FGF8: variants seen among roughly 807,000 people sequenced by gnomAD.
The protein encoded by FGF8 is androgen-induced growth factor.
Under a neutral mutation model 29.7 loss-of-function variants are expected in FGF8, and 12 were observed. The observed-to-expected ratio is 0.40, with a 90% CI of 0.26 to 0.65. The LOEUF (loss-of-function observed/expected upper bound fraction) is 0.65, where lower values mean the gene tolerates loss of function less well. Ranked by LOEUF, FGF8 falls within the 30% of genes least tolerant of loss-of-function variation. The probability of loss-of-function intolerance (pLI) is 0.37; values close to 1 mark genes in which losing one functional copy is unlikely to be tolerated. For missense variants in FGF8, 271 were observed against 345.1 expected, an observed-to-expected ratio of 0.79 and a Z score of 1.70; for synonymous variants, 157 against 144.4, an observed-to-expected ratio of 1.09 and a Z score of -0.63.
Position 101,775,806 on chromosome 10 carries a change from G to C in FGF8, c.33-30C>G, listed in dbSNP as rs934746020. The stretch of plus-strand genomic sequence containing the variant: ...GGGAGACAAAAGCGGGCGGGAGAGA[G>C]AGGCGCGGGTGAGGCGAGGGGCGCG... On this transcript the variant is annotated intron_variant, in intron 1 of 5. Transcript: ENST00000320185. The surrounding 1 kb of genome is among the most constrained non-coding windows in gnomAD (Gnocchi z 4.6). 1 of 1,539,048 alleles carries C rather than the reference G, an allele frequency of 6.5e-7. No homozygotes were observed. The highest frequency in any genetic ancestry group is 8.7e-7 in the Non-Finnish European group (1 of 1,143,808).
Position 101,774,796 on chromosome 10 carries a change from C to G in FGF8, c.273G>C (p.Gly91=), listed in dbSNP as rs1290132949. Reference sequence around the variant, plus strand: ...TGTTGGCCAGGACCTGCACGTGCTTCCCGCTGGTGCGGCTGTAGAGTTGGT... The same window carrying G: ...TGTTGGCCAGGACCTGCACGTGCTTGCCGCTGGTGCGGCTGTAGAGTTGGT... ...RTYQLYSRTS[G]KHVQVLANKR... The change falls in exon 4 of 6, where the codon GGG becomes GGC. Residue 91 remains glycine, a synonymous_variant. Coordinates refer to ENST00000320185, the MANE Select transcript of FGF8 (RefSeq NM_033163.5). 6.2e-7 allele frequency: 1 copy of G among 1,612,644 alleles called. No homozygotes were observed. The highest frequency in any genetic ancestry group is 1.7e-5 in the Admixed American group (1 of 60,030).
chr10:101,770,144 A>T lies in FGF8; in HGVS notation c.*185T>A. On this transcript the variant is annotated 3_prime_UTR_variant, in exon 6 of 6. Coordinates refer to ENST00000320185, the MANE Select transcript of FGF8 (RefSeq NM_033163.5). ...AAATAGAGCCTCTCTTTTGTTTTAA[A>T]AAAAAAAAAAAAAAAAAAAACAGCA... 4.7e-5 allele frequency: 15 copies of T among 321,050 alleles called. No individual in the cohort carries two copies. Among genetic ancestry groups the T allele is most frequent in the South Asian group, 1.2e-4 (2 of 17,132 alleles). The allele number at this position is 321,050 out of a possible 1,614,324, so 19.9% of individuals were successfully genotyped here.
At position 101,775,022 on chromosome 10, in the gene FGF8, G is replaced by A; in HGVS notation, c.156+108C>T. The A allele has an allele frequency of 6.7e-7, 1 of 1,498,502 alleles. No homozygotes were observed. Among genetic ancestry groups the A allele is most frequent in the Non-Finnish European group, 9.2e-7 (1 of 1,092,370 alleles). 92.8% of individuals were successfully genotyped at this position (1,498,502 alleles called of 1,614,324 possible). A position where few individuals can be genotyped will look rare whatever the true frequency, so the allele number is the denominator to read the frequency against. On this transcript the variant is annotated intron_variant, in intron 3 of 5. Coordinates refer to ENST00000320185, the MANE Select transcript of FGF8 (RefSeq NM_033163.5). The surrounding 1 kb of genome is among the most constrained non-coding windows in gnomAD (Gnocchi z 4.6). ...CCTCACTGCCCCAAGCCGCCAGCAGGTGCTGGGGGTTCCCCCAACATGCCA... is the reference window on the plus strand; with the variant it reads ...CCTCACTGCCCCAAGCCGCCAGCAGATGCTGGGGGTTCCCCCAACATGCCA...
chr10:101,772,607 G>A lies in FGF8; in HGVS notation c.338-1038C>T, dbSNP rs967292555. 6.6e-6 allele frequency among the ~76,000 whole-genome samples: 1 copy of A among 152,208 alleles called. No homozygotes were observed. Among genetic ancestry groups the A allele is most frequent in the Non-Finnish European group, 1.5e-5 (1 of 68,026 alleles). On this transcript the variant is annotated intron_variant, in intron 4 of 5. Transcript: ENST00000320185. This position sits in a 1 kb window ranked among gnomAD's most constrained non-coding sequence, Gnocchi z 4.4. ...AGGCGCTGGCTCTCCTGCCGTCCCT[G>A]CCGCAGAGCCCAGCCTCTCCCCTCC... is the stretch of plus-strand genomic sequence containing the variant.
rs1270528097 is a variant in FGF8, at chr10:101,771,265, C to T, written c.444+198G>A. Among the ~76,000 whole-genome samples the T allele has an allele frequency of 6.6e-6, 1 of 152,200 alleles. No homozygotes were observed. On this transcript the variant is annotated intron_variant, in intron 5 of 5. Transcript: ENST00000320185. The surrounding 1 kb of genome is among the most constrained non-coding windows in gnomAD (Gnocchi z 5.3). ...TCCCTAGCCTTCATTCTTCCTCCTTCGCCTTTTATAGTTTTCATCTCTCAA... is the reference window on the plus strand; with the variant it reads ...TCCCTAGCCTTCATTCTTCCTCCTTTGCCTTTTATAGTTTTCATCTCTCAA...
Position 101,774,826 on chromosome 10 carries a change from C to G in FGF8, c.243G>C (p.Arg81=), listed in dbSNP as rs771475327. Residue 81 remains arginine, a synonymous_variant, in exon 4 of 6, where the codon CGG becomes CGC. Coordinates refer to ENST00000320185, the MANE Select transcript of FGF8 (RefSeq NM_033163.5). ...VTDQLSRRLI[R]TYQLYSRTSG... ...TGGTGCGGCTGTAGAGTTGGTAGGT[C>G]CGGATGAGGCGGCGGCTGAGCTGAT... 3.7e-6 allele frequency: 6 copies of G among 1,613,612 alleles called. No individual in the cohort carries two copies. The highest frequency in any genetic ancestry group is 3.4e-6 in the Non-Finnish European group (4 of 1,180,052).
chr10:101,775,093 C>T lies in FGF8; in HGVS notation c.156+37G>A, dbSNP rs752575411. 3 of 1,536,748 alleles carry T rather than the reference C, an allele frequency of 2.0e-6. No homozygotes were observed. In the South Asian group the frequency reaches 3.6e-5, roughly 18 times the overall value. On this transcript the variant is annotated intron_variant, in intron 3 of 5. Transcript: ENST00000320185. The surrounding 1 kb of genome is among the most constrained non-coding windows in gnomAD (Gnocchi z 4.6). ...CCCACGCAAGTCGGGCAGACCCAGC[C>T]CAGGATGAACGAGCCCCAGGGAGAA...
At position 101,770,315 on chromosome 10, in the gene FGF8, G is replaced by A; in HGVS notation, c.*14C>T. ...TCTCTGCGGTCTGGCATTGTGGGGA[G>A]GGCCAGGCAGCACCTATCGGGGCTC... On this transcript the variant is annotated 3_prime_UTR_variant, in exon 6 of 6. Coordinates refer to ENST00000320185, the MANE Select transcript of FGF8 (RefSeq NM_033163.5). 6.3e-7 allele frequency: 1 copy of A among 1,579,740 alleles called. No homozygotes were observed.
In FGF8 at chr10:101,771,715, G is replaced by A; in HGVS notation, c.338-146C>T. The A allele has an allele frequency of 1.4e-6, 1 of 719,722 alleles. No homozygotes were observed. Among genetic ancestry groups the A allele is most frequent in the Non-Finnish European group, 2.5e-6 (1 of 400,980 alleles). 44.6% of individuals were successfully genotyped at this position (719,722 alleles called of 1,614,324 possible). A position where few individuals can be genotyped will look rare whatever the true frequency, so the allele number is the denominator to read the frequency against. On this transcript the variant is annotated intron_variant, in intron 4 of 5. Coordinates refer to ENST00000320185, the MANE Select transcript of FGF8 (RefSeq NM_033163.5). This position sits in a 1 kb window ranked among gnomAD's most constrained non-coding sequence, Gnocchi z 5.3. ...TCCAGCCCAGCTACTAACATGCTGT[G>A]CAACCCAGAGAAAGGGCTTTTCTGG...
Position 101,775,393 on chromosome 10 carries a change from C to A in FGF8, c.70-177G>T. ...GCTGAGAGGGTCTCTGCTGCAGTCA[C>A]CCGGCTTCCCCTGGCATCGAACATC... On this transcript the variant is annotated intron_variant, in intron 2 of 5. Coordinates refer to ENST00000320185, the MANE Select transcript of FGF8 (RefSeq NM_033163.5). This position sits in a 1 kb window ranked among gnomAD's most constrained non-coding sequence, Gnocchi z 4.6. 1 of 608,814 alleles carries A rather than the reference C, an allele frequency of 1.6e-6. No homozygotes were observed. The highest frequency in any genetic ancestry group is 2.9e-6 in the Non-Finnish European group (1 of 342,244). The allele number at this position is 608,814 out of a possible 1,614,324, so 37.7% of individuals were successfully genotyped here.
chr10:101,770,348 C>A lies in FGF8; in HGVS notation c.716G>T (p.Trp239Leu). 1 of 1,598,332 alleles carries A rather than the reference C, an allele frequency of 6.3e-7. No individual in the cohort carries two copies. Among genetic ancestry groups the A allele is most frequent in the East Asian group, 2.3e-5 (1 of 44,310 alleles). ...CAGCACCTATCGGGGCTCGGGGGCC[C>A]AAGTCCTCTGGCTGCCGCGCAGGCT... ...TRSLRGSQRT[W>L]APEPR Residue 239 changes from tryptophan to leucine, a missense_variant, in exon 6 of 6, where the codon TGG becomes TTG. Around this residue, in one of 3 missense-constraint regions of FGF8, gnomAD observed 62 missense variants for 58.1 expected, o/e 1.07. Coordinates refer to ENST00000320185, the MANE Select transcript of FGF8 (RefSeq NM_033163.5).
At chr10:101,770,659 C>A in intron 5 of FGF8, 40 bp from the exon 6 acceptor site, 1 of 1,600,640 alleles carries the variant, frequency 6.2e-7, no homozygotes, top group Non-Finnish European at 8.5e-7. Flanking sequence ...ACAGAGCCCC[C>A]CCAGCAGAGG....
rs1464172191 is a variant in FGF8 at position 101,775,649 on chromosome 10, G to A, written c.69+91C>T. 4 of 1,436,316 alleles carry A rather than the reference G, an allele frequency of 2.8e-6. No homozygotes were observed. The highest frequency in any genetic ancestry group is 2.5e-5 in the East Asian group (1 of 39,928). The allele number at this position is 1,436,316 out of a possible 1,614,324, so 89.0% of individuals were successfully genotyped here. ...TGCCCTCAGCCCTCCCGCGCCGGCCGCAGAGTCAGTCCCGGTGCCCCCGAC... is the reference window on the plus strand; with the variant it reads ...TGCCCTCAGCCCTCCCGCGCCGGCCACAGAGTCAGTCCCGGTGCCCCCGAC... On this transcript the variant is annotated intron_variant, in intron 2 of 5. Coordinates refer to ENST00000320185, the MANE Select transcript of FGF8 (RefSeq NM_033163.5). This position sits in a 1 kb window ranked among gnomAD's most constrained non-coding sequence, Gnocchi z 4.6.
At chr10:101,778,298 G>A (rs2065114176), upstream of FGF8, among the ~76,000 whole-genome samples, 2 of 152,222 alleles carry the variant, frequency 1.3e-5, no homozygotes, top group Admixed American at 1.3e-4. Flanking sequence ...CCCCAGGCAG[G>A]GGTGAGGGTG....
At chr10:101,777,832 A>G (rs946655764), upstream of FGF8, among the ~76,000 whole-genome samples, 1 of 152,260 alleles carries the variant, frequency 6.6e-6, no homozygotes, top group Non-Finnish European at 1.5e-5. Context: ...CAACTTCCCC[A>G]GGAAGACCTG....
upstream of FGF8, among the ~76,000 whole-genome samples, chr10:101,777,715 C>G (rs551700828): frequency 6.6e-6 from 1 of 152,224 alleles, no homozygotes; most frequent in Non-Finnish European, 1.5e-5. Flanking sequence ...AATCACAGCT[C>G]GTGGCACAAG....
chr10:101,773,118 T>C (rs942879382), intron 4 of FGF8, among the ~76,000 whole-genome samples: 11 of 152,274 alleles, frequency 7.2e-5, no homozygotes, highest in Middle Eastern at 3.4e-3. Context: ...TGAGCCTCTG[T>C]TCTTAGGGCC....
intron 4 of FGF8, among the ~76,000 whole-genome samples, chr10:101,773,883 T>G (rs1419933400): frequency 1.3e-5 from 2 of 152,220 alleles, no homozygotes; most frequent in African/African-American, 4.8e-5. Context: ...GCTCGTTCTT[T>G]TTCTGTTTTA....
upstream of FGF8, among the ~76,000 whole-genome samples, chr10:101,779,946 C>T (rs2065129855): frequency 6.6e-6 from 1 of 152,264 alleles, no homozygotes; most frequent in Admixed American, 6.5e-5. The surrounding 1 kb of genome is among the most constrained non-coding windows in gnomAD (Gnocchi z 5.7). Flanking sequence ...GCCCAAGATT[C>T]GGCCGCCCAG....
Sources: gnomAD v4.1 joint callset for allele counts (sites outside exome capture counted in the v4.1 genomes callset) on GRCh38, gnomAD v4.1.1 for gene constraint, gnomAD v4.1.1 regional missense constraint, Gnocchi (gnomAD v3.1) non-coding constraint, MANE v1.5 for transcripts, NCBI Gene and HGNC (gene_info 2026-07-23, HGNC 2026-07-21) for gene names.